Variants in KCNJ3 observed in about 807,000 individuals in gnomAD.
KCNJ3 encodes G protein-activated inward rectifier potassium channel 1.
In KCNJ3, 4 loss-of-function variants were observed where a neutral mutation model predicts 39.2. That is an observed-to-expected ratio of 0.10 (90% confidence interval 0.05 to 0.23). The LOEUF (loss-of-function observed/expected upper bound fraction) is 0.23, where lower values mean the gene tolerates loss of function less well. Ranked by LOEUF, KCNJ3 falls within the 10% of genes least tolerant of loss-of-function variation. The pLI is 1.00. For synonymous variants in KCNJ3, 230 were observed against 237.4 expected (o/e 0.97, Z 0.29); for missense variants, 276 against 634.9 (o/e 0.43, Z 6.08).
At chr2:154,713,258 T>C (rs1222949380) in intron 2 of KCNJ3, among the ~76,000 whole-genome samples, 1 of 152,168 alleles carries the variant, frequency 6.6e-6, no homozygotes, top group Non-Finnish European at 1.5e-5. Context: ...ATTTAAAAAT[T>C]AGTCATTCTG....
At chr2:154,715,440 T>C (rs1008789772) in intron 2 of KCNJ3, among the ~76,000 whole-genome samples, 5 of 152,226 alleles carry the variant, frequency 3.3e-5, no homozygotes, top group African/African-American at 1.2e-4. Context: ...CTGCCTAGGA[T>C]AGGATTTCTG....
At chr2:154,854,033 T>G (rs368382307) in intron 2 of KCNJ3, among the ~76,000 whole-genome samples, 1 of 152,294 alleles carries the variant, frequency 6.6e-6, no homozygotes, top group South Asian at 2.1e-4. Context: ...CAATGACTTT[T>G]CTTTTTCTAG....
At chr2:154,813,829 T>G (rs1310010637) in intron 2 of KCNJ3, among the ~76,000 whole-genome samples, 1 of 152,224 alleles carries the variant, frequency 6.6e-6, no homozygotes, top group Non-Finnish European at 1.5e-5. Context: ...GCCGTGATGA[T>G]GTCAACTGGC....
At chr2:154,849,408 G>T (rs539804957) in intron 2 of KCNJ3, among the ~76,000 whole-genome samples, 1 of 152,102 alleles carries the variant, frequency 6.6e-6, no homozygotes, top group South Asian at 2.1e-4. Flanking sequence ...ACAGGAGAAC[G>T]CTCTTTTGCT....
rs1458987631 is a variant in KCNJ3 at position 154,812,902 on chromosome 2, T to C, written c.920-41825T>C. Among the ~76,000 whole-genome samples, 4 of 152,202 alleles carry C rather than the reference T, an allele frequency of 2.6e-5. No homozygotes were observed. The East Asian group carries it at 7.7e-4, about 29-fold the overall frequency. ...AGATATTGTATAAAATAATCGTAAGTAAGATTTATTGAGCACTTTGTGTAT... is the reference window on the plus strand; with the variant it reads ...AGATATTGTATAAAATAATCGTAAGCAAGATTTATTGAGCACTTTGTGTAT... On this transcript the variant is annotated intron_variant, in intron 2 of 2. Transcript: ENST00000295101.
chr2:154,798,221 CGCACAG>C (rs1016921293), intron 2 of KCNJ3, among the ~76,000 whole-genome samples: 1 of 47,204 alleles, frequency 2.1e-5, no homozygotes, highest in African/African-American at 6.0e-5. Context: ...CACACACACA[CGCACAG>C]AGTCTGTTCC....
chr2:154,731,538 A>C (rs1345450794), intron 2 of KCNJ3, among the ~76,000 whole-genome samples: 1 of 152,036 alleles, frequency 6.6e-6, no homozygotes, highest in Non-Finnish European at 1.5e-5. Flanking sequence ...TGTACAAGTT[A>C]AGTACATATT....
chr2:154,811,831 C>T (rs1687012754), intron 2 of KCNJ3, among the ~76,000 whole-genome samples: 2 of 152,138 alleles, frequency 1.3e-5, no homozygotes, highest in Non-Finnish European at 2.9e-5. Context: ...TGGTATTTTA[C>T]TTAATTCTGC....
intron 2 of KCNJ3, among the ~76,000 whole-genome samples, chr2:154,831,221 A>T (rs1329932823): frequency 1.3e-5 from 2 of 152,100 alleles, no homozygotes; most frequent in Non-Finnish European, 2.9e-5. Flanking sequence ...TACTGAATGG[A>T]TTAGCATTTT....
At chr2:154,755,389 A>C (rs1685920131) in intron 2 of KCNJ3, among the ~76,000 whole-genome samples, 2 of 151,790 alleles carry the variant, frequency 1.3e-5, no homozygotes, top group African/African-American at 4.8e-5. Context: ...AAGTTTTGTC[A>C]TGTGTATTTA....
At chr2:154,707,276 G>A (rs1391612590) in intron 1 of KCNJ3, among the ~76,000 whole-genome samples, 1 of 152,008 alleles carries the variant, frequency 6.6e-6, no homozygotes, top group Non-Finnish European at 1.5e-5. Flanking sequence ...GAGTACAGGT[G>A]TAATTTTGAG....
At chr2:154,711,534 A>G (rs1423601387) in intron 2 of KCNJ3, among the ~76,000 whole-genome samples, 1 of 152,064 alleles carries the variant, frequency 6.6e-6, no homozygotes, top group Non-Finnish European at 1.5e-5. Context: ...TAAATACTGA[A>G]TATATTTGTT....
At chr2:154,820,404 AT>A (rs1251879131) in intron 2 of KCNJ3, among the ~76,000 whole-genome samples, 1 of 152,154 alleles carries the variant, frequency 6.6e-6, no homozygotes, top group African/African-American at 2.4e-5. Context: ...CAGTGTCATC[AT>A]TTTTAACTAA....
chr2:154,717,043 G>A (rs578108780), intron 2 of KCNJ3, among the ~76,000 whole-genome samples: 7 of 152,312 alleles, frequency 4.6e-5, no homozygotes, highest in Admixed American at 4.6e-4. Flanking sequence ...GGGACCTAGA[G>A]GAGTGGTCCC....
rs753418531 is a variant in KCNJ3, at chr2:154,699,490, C to A, written c.702+13C>A. The A allele has an allele frequency of 6.4e-7, 1 of 1,558,210 alleles. No homozygotes were observed. Among genetic ancestry groups the A allele is most frequent in the South Asian group, 1.2e-5 (1 of 86,768 alleles). Reference sequence around the variant, plus strand: ...CAAGCTGCTCAAAGTAAGTGCTCCCCGCCCCTTCCCCACCGGGAGACCTGC... The same window carrying A: ...CAAGCTGCTCAAAGTAAGTGCTCCCAGCCCCTTCCCCACCGGGAGACCTGC... On this transcript the variant is annotated intron_variant, in intron 1 of 2. Transcript: ENST00000295101. The surrounding 1 kb of genome is among the most constrained non-coding windows in gnomAD (Gnocchi z 6.4).
chr2:154,761,053 T>A (rs34405352), intron 2 of KCNJ3, among the ~76,000 whole-genome samples: 47,319 of 143,524 alleles, frequency 0.33, 8,910 homozygotes, highest in Non-Finnish European at 0.44. Flanking sequence ...AATTTTTTTT[T>A]AATTTTTTCT....
At chr2:154,779,801 A>C (rs907938581) in intron 2 of KCNJ3, among the ~76,000 whole-genome samples, 13 of 152,002 alleles carry the variant, frequency 8.6e-5, no homozygotes, top group African/African-American at 3.1e-4. Flanking sequence ...CTTGGCCTCA[A>C]AGCACTGGGA....
intron 2 of KCNJ3, among the ~76,000 whole-genome samples, chr2:154,760,735 CTTTTTTTTTTTTT>C (rs887796000): frequency 7.8e-6 from 1 of 127,752 alleles, no homozygotes; most frequent in African/African-American, 3.0e-5. Flanking sequence ...TCTTTTTTTT[CTTTTTTTTTTTTT>C]TTTTTTGAGA....
intron 2 of KCNJ3, among the ~76,000 whole-genome samples, chr2:154,726,849 A>G (rs112076469): frequency 0.14 from 20,261 of 149,798 alleles, 1,496 homozygotes; most frequent in Non-Finnish European, 0.15. Flanking sequence ...ACCATGGAAT[A>G]CTACTCAGCC....
Sources: gnomAD v4.1 joint callset for allele counts (sites outside exome capture counted in the v4.1 genomes callset) on GRCh38, gnomAD v4.1.1 for gene constraint, Gnocchi (gnomAD v3.1) non-coding constraint, MANE v1.5 for transcripts, NCBI Gene and HGNC (gene_info 2026-07-23, HGNC 2026-07-21) for gene names.